SAMD5: variants seen among roughly 807,000 people sequenced by gnomAD.
The protein encoded by SAMD5 is sterile alpha motif domain containing 5.
In SAMD5, 13 loss-of-function variants were observed where a neutral mutation model predicts 11.3. That is an observed-to-expected ratio of 1.15 (90% CI 0.75 to 1.83). The LOEUF (loss-of-function observed/expected upper bound fraction) is 1.83. SAMD5 is among the 40% of genes most tolerant of loss of function. The pLI is 0.00. For missense variants in SAMD5, 255 were observed against 239.1 expected, an observed-to-expected ratio of 1.07 and a Z score of -0.44; for synonymous variants, 129 against 111.3, an observed-to-expected ratio of 1.16 and a Z score of -1.00.
chr6:147,589,241 G>T (rs532139536), intron 1 of SAMD5, among the ~76,000 whole-genome samples: 1 of 152,124 alleles, frequency 6.6e-6, no homozygotes, highest in Non-Finnish European at 1.5e-5. Context: ...TTACAGGTGT[G>T]AGCCACCATG....
the SAMD5 span, among the ~76,000 whole-genome samples, chr6:147,908,114 A>G: frequency 6.6e-6 from 1 of 152,140 alleles, no homozygotes; most frequent in Non-Finnish European, 1.5e-5. Context: ...CCAAATCACT[A>G]GTTTTCCATT....
At chr6:147,580,816 A>T (rs1193373105) in intron 1 of SAMD5, among the ~76,000 whole-genome samples, 3 of 149,398 alleles carry the variant, frequency 2.0e-5, no homozygotes, top group East Asian at 3.9e-4. Flanking sequence ...CTAAACTATG[A>T]TTTTTTTTTT....
At chr6:147,880,359 GCA>G in the SAMD5 span, among the ~76,000 whole-genome samples, 1 of 150,018 alleles carries the variant, frequency 6.7e-6, no homozygotes, top group Non-Finnish European at 1.5e-5. Flanking sequence ...GGTCTCTCTT[GCA>G]CACACACACA....
At chr6:147,936,398 G>C in the SAMD5 span, among the ~76,000 whole-genome samples, 1 of 151,808 alleles carries the variant, frequency 6.6e-6, no homozygotes, top group Non-Finnish European at 1.5e-5. Flanking sequence ...AGAAGGTGAA[G>C]GGGGAGCAGG....
At chr6:147,817,939 A>C in the SAMD5 span, among the ~76,000 whole-genome samples, 1 of 152,222 alleles carries the variant, frequency 6.6e-6, no homozygotes, top group Non-Finnish European at 1.5e-5. Flanking sequence ...TATGCCAGAA[A>C]GGTTGGTTCC....
rs989270295 is a variant in SAMD5, at chr6:147,728,655, G to T, written c.163-8662G>T. Among the ~76,000 whole-genome samples the T allele has an allele frequency of 3.9e-5, 6 of 152,130 alleles. No individual in the cohort carries two copies. The East Asian group carries it at 9.7e-4, about 24-fold the overall frequency. On this transcript the variant is annotated intron_variant, in intron 1 of 1. Transcript: ENST00000566741. ...TCTTCAATAGACAAACGAAAGAAAAGAAAGCAATAGAGGGAGTTGTAGATA... is the reference window on the plus strand; with the variant it reads ...TCTTCAATAGACAAACGAAAGAAAATAAAGCAATAGAGGGAGTTGTAGATA...
At chr6:147,905,462 T>C in the SAMD5 span, among the ~76,000 whole-genome samples, 1 of 152,240 alleles carries the variant, frequency 6.6e-6, no homozygotes, top group Non-Finnish European at 1.5e-5. Flanking sequence ...ATTACAGGCA[T>C]GAGCTGCTGC....
intron 1 of SAMD5, among the ~76,000 whole-genome samples, chr6:147,515,094 G>A (rs954519534): frequency 1.3e-5 from 2 of 151,240 alleles, no homozygotes; most frequent in African/African-American, 4.9e-5. Flanking sequence ...GACATTACTA[G>A]GGACAGATTG....
At chr6:147,562,623 C>T (rs1788969311) in intron 1 of SAMD5, among the ~76,000 whole-genome samples, 1 of 152,048 alleles carries the variant, frequency 6.6e-6, no homozygotes, top group African/African-American at 2.4e-5. Context: ...GAGATCAAGA[C>T]CATCCTGGCT....
chr6:147,788,526 A>T, the SAMD5 span, among the ~76,000 whole-genome samples: 1 of 152,250 alleles, frequency 6.6e-6, no homozygotes, highest in African/African-American at 2.4e-5. Flanking sequence ...ATATAGAAAC[A>T]CATCTGTGCT....
intron 1 of SAMD5, among the ~76,000 whole-genome samples, chr6:147,688,123 C>T: frequency 6.6e-6 from 1 of 151,628 alleles, no homozygotes; most frequent in Admixed American, 6.6e-5. Flanking sequence ...CTCTTATTTC[C>T]TTTGTTTCTG....
the SAMD5 span, among the ~76,000 whole-genome samples, chr6:147,948,294 C>G: frequency 6.8e-6 from 1 of 146,766 alleles, no homozygotes; most frequent in South Asian, 2.2e-4. Context: ...AAAAAAAACA[C>G]GAATCATTTG....
At chr6:147,598,558 A>G (rs1205529268) in intron 1 of SAMD5, among the ~76,000 whole-genome samples, 1 of 152,198 alleles carries the variant, frequency 6.6e-6, no homozygotes, top group Non-Finnish European at 1.5e-5. Context: ...CTGTGTCTAC[A>G]TAGGTTAAAA....
intron 1 of SAMD5, among the ~76,000 whole-genome samples, chr6:147,521,540 C>T (rs555117676): frequency 6.6e-6 from 1 of 151,984 alleles, no homozygotes; most frequent in African/African-American, 2.4e-5. Context: ...ATTGTCAATT[C>T]TTTCTTTACT....
the SAMD5 span, among the ~76,000 whole-genome samples, chr6:147,890,006 C>T: frequency 2.0e-5 from 3 of 152,204 alleles, no homozygotes; most frequent in Non-Finnish European, 4.4e-5. Flanking sequence ...AACCCACTCT[C>T]TGCACCATGG....
chr6:147,778,153 C>T, the SAMD5 span, among the ~76,000 whole-genome samples: 2 of 152,184 alleles, frequency 1.3e-5, no homozygotes, highest in African/African-American at 4.8e-5. Flanking sequence ...TAGTAGCCAA[C>T]CCAGAGGGTG....
chr6:147,816,211 A>C, the SAMD5 span, among the ~76,000 whole-genome samples: 1 of 146,638 alleles, frequency 6.8e-6, no homozygotes, highest in African/African-American at 2.5e-5. Flanking sequence ...ACCCAGGAGA[A>C]AGAGGTTGCT....
rs1329065219 is a variant in SAMD5 at position 147,567,344 on chromosome 6, T to C, written c.*2888T>C. ...TTTATAGCATCTTGGTGTTATGCAA[T>C]AAACAATGACAACAACAAGCATTGA... On this transcript the variant is annotated 3_prime_UTR_variant, in exon 2 of 2. Coordinates refer to ENST00000367474, the MANE Select transcript of SAMD5 (RefSeq NM_001030060.3). 5.1e-6 allele frequency: 5 copies of C among 985,138 alleles called. No homozygotes were observed. In the African/African-American group the frequency reaches 8.7e-5, roughly 17 times the overall value. 61.0% of individuals were successfully genotyped at this position (985,138 alleles called of 1,614,324 possible).
Position 147,611,851 on chromosome 6 carries a change from G to C in SAMD5, c.162+102464G>C, listed in dbSNP as rs183002051. 8.4e-3 allele frequency among the ~76,000 whole-genome samples: 1,281 copies of C among 152,238 alleles called. 9 individuals carry two copies. Among genetic ancestry groups the C allele is most frequent in the Middle Eastern group, 0.027 (8 of 294 alleles). ...GAACCCTGGTTGCAGTCATACGTCA[G>C]CTTCATGGAGATGAAAGTGTAATCT... On this transcript the variant is annotated intron_variant, in intron 1 of 1. Transcript: ENST00000566741.
Sources: allele counts gnomAD v4.1 joint callset (sites outside exome capture counted in the v4.1 genomes callset), GRCh38; gene constraint gnomAD v4.1.1; transcripts MANE v1.5; gene names NCBI Gene and HGNC (gene_info 2026-07-23, HGNC 2026-07-21).